The following ROR2 variants were observed in gnomAD, a reference collection of about 807,000 sequenced individuals.
ROR2 encodes ROR family WNT receptor 2.
Under a neutral mutation model 74.9 loss-of-function variants are expected in ROR2, and 33 were observed. The observed-to-expected ratio is 0.44, with a 90% CI of 0.33 to 0.59. ROR2 has a LOEUF of 0.59. Among genes scored for constraint, ROR2 ranks in the 20% least tolerant of loss-of-function variants. The pLI, the probability that ROR2 is intolerant of heterozygous loss-of-function variation, is 0.02. For missense variants in ROR2, 1,216 were observed against 1,313.8 expected, an observed-to-expected ratio of 0.93 and a Z score of 1.15; for synonymous variants, 586 against 558.7, an observed-to-expected ratio of 1.05 and a Z score of -0.69.
chr9:91,894,980 T>G (rs1830502406), intron 1 of ROR2, among the ~76,000 whole-genome samples: 1 of 152,202 alleles, frequency 6.6e-6, no homozygotes, highest in African/African-American at 2.4e-5. Flanking sequence ...ACAAGGATAT[T>G]TACAGCAGCT....
At chr9:91,755,789 T>G (rs552967709) in intron 4 of ROR2, among the ~76,000 whole-genome samples, 1 of 152,368 alleles carries the variant, frequency 6.6e-6, no homozygotes, top group South Asian at 2.1e-4. Context: ...CCAGGCAACC[T>G]GGCCTGTATA....
chr9:91,931,792 T>A (rs1831555921), intron 1 of ROR2, among the ~76,000 whole-genome samples: 1 of 152,132 alleles, frequency 6.6e-6, no homozygotes, highest in African/African-American at 2.4e-5. Flanking sequence ...AAAAACATCA[T>A]GCAACATGAA....
chr9:91,808,754 C>T (rs919567480), intron 1 of ROR2, among the ~76,000 whole-genome samples: 2 of 152,028 alleles, frequency 1.3e-5, no homozygotes, highest in South Asian at 2.1e-4. Context: ...GTCAGGAGAT[C>T]GAGACCATCC....
intron 2 of ROR2, among the ~76,000 whole-genome samples, chr9:91,761,674 C>T (rs1180325549): frequency 1.3e-5 from 2 of 152,176 alleles, no homozygotes; most frequent in East Asian, 1.9e-4. Flanking sequence ...TAACAGGCCA[C>T]GCACCAGTAC....
At chr9:91,890,978 T>C (rs1343440236) in intron 1 of ROR2, among the ~76,000 whole-genome samples, 3 of 152,196 alleles carry the variant, frequency 2.0e-5, no homozygotes, top group Non-Finnish European at 2.9e-5. Context: ...CATCCCAGAA[T>C]TGCTGTTGTT....
At chr9:91,909,513 ATTTTTTTT>A (rs36122642) in intron 1 of ROR2, among the ~76,000 whole-genome samples, 2 of 136,292 alleles carry the variant, frequency 1.5e-5, no homozygotes, top group Non-Finnish European at 3.2e-5. Flanking sequence ...CATCCAACTA[ATTTTTTTT>A]TTTTTTTTTT....
chr9:91,850,890 G>A (rs1829068838), intron 1 of ROR2, among the ~76,000 whole-genome samples: 1 of 152,100 alleles, frequency 6.6e-6, no homozygotes, highest in Non-Finnish European at 1.5e-5. Flanking sequence ...CTACCTCAAT[G>A]TCATAAACAA....
intron 2 of ROR2, among the ~76,000 whole-genome samples, chr9:91,772,832 G>A (rs987313074): frequency 4.6e-5 from 7 of 152,088 alleles, no homozygotes; most frequent in Admixed American, 2.0e-4. Flanking sequence ...CAAAAAGCAC[G>A]GTAGAAAGCA....
At chr9:91,847,399 G>A (rs756874283) in intron 1 of ROR2, among the ~76,000 whole-genome samples, 10 of 152,192 alleles carry the variant, frequency 6.6e-5, no homozygotes, top group Middle Eastern at 3.4e-3. Flanking sequence ...GTCCCTCGAC[G>A]CCCCCTTGCT....
intron 1 of ROR2, among the ~76,000 whole-genome samples, chr9:91,792,280 A>C (rs540964463): frequency 1.3e-5 from 2 of 152,280 alleles, no homozygotes; most frequent in African/African-American, 4.8e-5. Context: ...ACAACAGAGA[A>C]AAATCGAGAC....
At chr9:91,829,887 C>T (rs556233700) in intron 1 of ROR2, among the ~76,000 whole-genome samples, 2 of 152,216 alleles carry the variant, frequency 1.3e-5, no homozygotes, top group Non-Finnish European at 2.9e-5. Flanking sequence ...AATCAATCAA[C>T]AGATGTGCAG....
At chr9:91,929,754 G>A (rs1831502099) in intron 1 of ROR2, among the ~76,000 whole-genome samples, 1 of 152,060 alleles carries the variant, frequency 6.6e-6, no homozygotes. Flanking sequence ...CAAATCAAGA[G>A]TGGGCACCAA....
intron 1 of ROR2, among the ~76,000 whole-genome samples, chr9:91,839,115 C>T (rs1828700381): frequency 6.6e-6 from 1 of 152,190 alleles, no homozygotes; most frequent in South Asian, 2.1e-4. Flanking sequence ...CGTGGGATGA[C>T]AGCAGCTTAG....
At chr9:91,811,267 C>A (rs1827742746) in intron 1 of ROR2, among the ~76,000 whole-genome samples, 1 of 152,196 alleles carries the variant, frequency 6.6e-6, no homozygotes, top group African/African-American at 2.4e-5. Context: ...CAGGGGAACC[C>A]AGGCCCAGAC....
intron 1 of ROR2, among the ~76,000 whole-genome samples, chr9:91,790,329 C>T (rs907701873): frequency 1.3e-5 from 2 of 151,342 alleles, no homozygotes; most frequent in African/African-American, 4.9e-5. Flanking sequence ...ATGAAACCCC[C>T]ATCTCTACTG....
At chr9:91,754,491 T>C (rs542831222) in intron 4 of ROR2, among the ~76,000 whole-genome samples, 19 of 152,056 alleles carry the variant, frequency 1.2e-4, no homozygotes, top group African/African-American at 3.6e-4. Context: ...ACCCCGTCTC[T>C]ACTAAAAATA....
intron 1 of ROR2, among the ~76,000 whole-genome samples, chr9:91,867,693 T>C: frequency 6.6e-6 from 1 of 151,576 alleles, no homozygotes; most frequent in African/African-American, 2.4e-5. Flanking sequence ...TGTGTGTGTG[T>C]GTGTGTGTAT....
chr9:91,806,736 C>CCCA (rs749784460), intron 1 of ROR2, among the ~76,000 whole-genome samples: 106 of 152,212 alleles, frequency 7.0e-4, no homozygotes, highest in Non-Finnish European at 1.2e-3. Context: ...ACTACAGGCA[C>CCCA]CCACCACCAC....
chr9:91,739,402 G>A (rs1318229934), intron 4 of ROR2, among the ~76,000 whole-genome samples: 1 of 151,862 alleles, frequency 6.6e-6, no homozygotes, highest in Non-Finnish European at 1.5e-5. Context: ...AGCTACTCAG[G>A]AGGCTGAAGT....
Sources: allele counts gnomAD v4.1 joint callset (sites outside exome capture counted in the v4.1 genomes callset), GRCh38; gene constraint gnomAD v4.1.1; transcripts MANE v1.5; gene names NCBI Gene and HGNC (gene_info 2026-07-23, HGNC 2026-07-21).